Variants in DOHH observed in about 807,000 individuals in gnomAD.
DOHH encodes deoxyhypusine hydroxylase, also known as HEAT-like (PBS lyase) repeat containing 1.
Under a neutral mutation model 19.9 loss-of-function variants are expected in DOHH, and 16 were observed. The observed-to-expected ratio is 0.80, with a 90% CI of 0.54 to 1.22. The LOEUF is 1.22. Among genes scored for constraint, DOHH ranks in the 50% most tolerant of loss-of-function variants. The pLI, the probability that DOHH is intolerant of heterozygous loss-of-function variation, is 0.00. For missense variants in DOHH, 460 were observed against 460.6 expected (o/e 1.00, Z 0.01); for synonymous variants, 233 against 217.0 (o/e 1.07, Z -0.65).
chr19:3,490,967 C>T lies in DOHH; in HGVS notation c.*525G>A, dbSNP rs2082864688. On this transcript the variant is annotated 3_prime_UTR_variant, in exon 5 of 5. Coordinates refer to ENST00000427575, the MANE Select transcript of DOHH (RefSeq NM_001145165.2). ...TCGGGGTGGGGGAGTCAGAGGCCCC[C>T]AGACCCTGTGTCCCATTCCTAGTGA... 5.6e-6 allele frequency: 1 copy of T among 179,284 alleles called. No individual in the cohort carries two copies. Among genetic ancestry groups the T allele is most frequent in the Non-Finnish European group, 1.2e-5 (1 of 86,386 alleles). 11.1% of individuals were successfully genotyped at this position (179,284 alleles called of 1,614,324 possible).
chr19:3,494,575 C>G (rs2082894958), intron 2 of DOHH, among the ~76,000 whole-genome samples: 2 of 152,206 alleles, frequency 1.3e-5, no homozygotes, highest in African/African-American at 4.8e-5. Flanking sequence ...GAATTTGGGG[C>G]CACTGGGGCT....
Position 3,496,843 on chromosome 19 carries a change from C to A in DOHH, c.-29G>T, listed in dbSNP as rs566457146. Reference sequence around the variant, plus strand: ...GCTGTCAATGGGTCCCGGCCTTCCACAACCCTGCTCAGGCTAAACCTGGGG... The same window carrying A: ...GCTGTCAATGGGTCCCGGCCTTCCAAAACCCTGCTCAGGCTAAACCTGGGG... On this transcript the variant is annotated 5_prime_UTR_variant, in exon 2 of 5. Transcript: ENST00000427575. The surrounding 1 kb of genome is among the most constrained non-coding windows in gnomAD (Gnocchi z 4.8). The A allele has an allele frequency of 1.3e-6, 2 of 1,507,896 alleles. No individual in the cohort carries two copies. Among genetic ancestry groups the A allele is most frequent in the Non-Finnish European group, 1.8e-6 (2 of 1,130,042 alleles). The allele number at this position is 1,507,896 out of a possible 1,614,324, so 93.4% of individuals were successfully genotyped here. A position where few individuals can be genotyped will look rare whatever the true frequency, so the allele number is the denominator to read the frequency against.
At position 3,491,938 on chromosome 19, in the gene DOHH, G is replaced by A; in HGVS notation, c.590-127C>T. ...AAAGTCCTGGCGATCTTCCCATCCCGGCCTCCCAAAGTGCTGGGACGACAG... is the reference window on the plus strand; with the variant it reads ...AAAGTCCTGGCGATCTTCCCATCCCAGCCTCCCAAAGTGCTGGGACGACAG... On this transcript the variant is annotated intron_variant, in intron 4 of 4. Coordinates refer to ENST00000427575, the MANE Select transcript of DOHH (RefSeq NM_001145165.2). The surrounding 1 kb of genome is among the most constrained non-coding windows in gnomAD (Gnocchi z 5.6). The A allele has an allele frequency of 1.8e-6, 2 of 1,100,498 alleles. No individual in the cohort carries two copies. The highest frequency in any genetic ancestry group is 1.8e-5 in the South Asian group (1 of 55,604). The allele number at this position is 1,100,498 out of a possible 1,614,324, so 68.2% of individuals were successfully genotyped here. A position where few individuals can be genotyped will look rare whatever the true frequency, so the allele number is the denominator to read the frequency against.
intron 1 of DOHH, among the ~76,000 whole-genome samples, chr19:3,500,114 TC>T (rs1376530110): frequency 2.0e-5 from 3 of 147,336 alleles, no homozygotes; most frequent in Non-Finnish European, 4.5e-5. Flanking sequence ...TCTTTCCAGA[TC>T]GGCTGAGAAC....
rs1347212820 is a variant in DOHH at position 3,491,196 on chromosome 19, A to G, written c.*296T>C. ...CGATCCTCCCCTGGCTTCCCTCGCA[A>G]TCCTCCCCTGTCCTGAGCCGGGCAT... On this transcript the variant is annotated 3_prime_UTR_variant, in exon 5 of 5. Transcript: ENST00000427575. The surrounding 1 kb of genome is among the most constrained non-coding windows in gnomAD (Gnocchi z 5.6). 3 of 431,352 alleles carry G rather than the reference A, an allele frequency of 7.0e-6. No homozygotes were observed. The highest frequency in any genetic ancestry group is 2.4e-5 in the African/African-American group (1 of 42,456). The allele number at this position is 431,352 out of a possible 1,614,324, so 26.7% of individuals were successfully genotyped here.
At position 3,491,742 on chromosome 19, in the gene DOHH, G is replaced by A. The variant is rs1412501443; in HGVS notation, c.659C>T (p.Ala220Val). ...GGCGGCCGCCAGCTGGGGCACCGCC[G>A]CCTCGTGCTGCAGCTGTCCCAGGAC... ...GYVLGQLQHEAAVPQLAAALA... is the reference protein window; with the variant it reads ...GYVLGQLQHEVAVPQLAAALA... Residue 220 changes from alanine (A) to valine (V), a missense_variant, in exon 5 of 5, where the codon GCG (alanine) becomes GTG (valine). Transcript: ENST00000427575. This position sits in a 1 kb window ranked among gnomAD's most constrained non-coding sequence, Gnocchi z 5.6. 8 of 1,511,168 alleles carry A rather than the reference G, an allele frequency of 5.3e-6. No individual in the cohort carries two copies. The highest frequency in any genetic ancestry group is 1.4e-5 in the African/African-American group (1 of 69,410). The allele number at this position is 1,511,168 out of a possible 1,614,324, so 93.6% of individuals were successfully genotyped here.
rs1223978192 is a variant in DOHH at position 3,491,677 on chromosome 19, A to G, written c.724T>C (p.Cys242Arg). The change falls in exon 5 of 5, where the codon TGC (cysteine) becomes CGC (arginine). Residue 242 changes from cysteine to arginine, a missense_variant. Cys to Arg is a radical substitution (Grantham distance 180). Transcript: ENST00000427575. The surrounding 1 kb of genome is among the most constrained non-coding windows in gnomAD (Gnocchi z 5.6). ...CTENPMVRHE[C>R]AEALGAIARP... Reference sequence around the variant, plus strand: ...GCAATGGCGCCCAGGGCCTCCGCGCACTCGTGCCGCACCATGGGGTTCTCG... The same window carrying G: ...GCAATGGCGCCCAGGGCCTCCGCGCGCTCGTGCCGCACCATGGGGTTCTCG... The G allele has an allele frequency of 1.3e-6, 2 of 1,533,108 alleles. No homozygotes were observed. The highest frequency in any genetic ancestry group is 1.7e-6 in the Non-Finnish European group (2 of 1,143,418). The allele number at this position is 1,533,108 out of a possible 1,614,324, so 95.0% of individuals were successfully genotyped here.
Position 3,494,077 on chromosome 19 carries a change from G to A in DOHH, c.302C>T (p.Pro101Leu), listed in dbSNP as rs755167917. ...AGEALGAIGD[P>L]EVLEILKQYS... ...CTGCTTCAGGATCTCCAGAACTTCC[G>A]GGTCCCCGATGGCCCCCAGGGCCTC... Residue 101 changes from proline to leucine, a missense_variant, in exon 3 of 5, where the codon CCG becomes CTG. Pro to Leu is a moderately conservative substitution (Grantham distance 98). Transcript: ENST00000427575. 15 of 1,613,614 alleles carry A rather than the reference G, an allele frequency of 9.3e-6. No individual in the cohort carries two copies. The highest frequency in any genetic ancestry group is 1.3e-5 in the Non-Finnish European group (15 of 1,179,772).
At chr19:3,498,761 G>A (rs905851320) in intron 1 of DOHH, among the ~76,000 whole-genome samples, 1 of 152,116 alleles carries the variant, frequency 6.6e-6, no homozygotes, top group Admixed American at 6.6e-5. Flanking sequence ...TTTACTGGGT[G>A]TCTGAAGAAC....
At chr19:3,500,260 G>A (rs1244108213) in intron 1 of DOHH, among the ~76,000 whole-genome samples, 1 of 152,162 alleles carries the variant, frequency 6.6e-6, no homozygotes, top group Non-Finnish European at 1.5e-5. Context: ...ACCATCAAAG[G>A]AGAGTGACAC....
intron 1 of DOHH, among the ~76,000 whole-genome samples, chr19:3,498,533 G>A (rs113379718): frequency 1.3e-3 from 202 of 151,992 alleles, no homozygotes; most frequent in African/African-American, 4.6e-3. Flanking sequence ...AGCCTCCCGA[G>A]TATCTGGGAT....
At chr19:3,499,720 C>T (rs1050912892) in intron 1 of DOHH, among the ~76,000 whole-genome samples, 5 of 152,068 alleles carry the variant, frequency 3.3e-5, no homozygotes, top group African/African-American at 1.2e-4. Context: ...TGCAGTGAGC[C>T]GAGATCGTGC....
chr19:3,494,175 A>C, intron 2 of DOHH, 71 bp from the exon 3 acceptor site: 1 of 1,349,712 alleles, frequency 7.4e-7, no homozygotes, highest in Non-Finnish European at 1.0e-6. Context: ...TACCTCTGGG[A>C]CCGGAGGACA....
In DOHH at chr19:3,492,372, C is replaced by A; in HGVS notation, c.479G>T (p.Arg160Leu). 1 of 1,539,356 alleles carries A rather than the reference C, an allele frequency of 6.5e-7. No individual in the cohort carries two copies. Among genetic ancestry groups the A allele is most frequent in the Non-Finnish European group, 8.7e-7 (1 of 1,149,892 alleles). Reference protein sequence around the residue: ...APPAEERDVGRLREALLDESR... With the variant: ...APPAEERDVGLLREALLDESR... ...CTCATCCAGCAGCGCCTCCCGCAGG[C>A]GCCCCACGTCACGCTCCTCAGCCGG... The change falls in exon 4 of 5, where the codon CGC becomes CTC. Residue 160 changes from arginine (R) to leucine (L), a missense_variant. Transcript: ENST00000427575.
At position 3,500,617 on chromosome 19, in the gene DOHH, C is replaced by T. The variant is rs1223811790; in HGVS notation, c.-129G>A. 1 of 152,304 alleles carries T rather than the reference C, an allele frequency of 6.6e-6. No individual in the cohort carries two copies. Among genetic ancestry groups the T allele is most frequent in the Non-Finnish European group, 1.5e-5 (1 of 68,096 alleles). 9.4% of individuals were successfully genotyped at this position (152,304 alleles called of 1,614,324 possible). ...GGCCAGTAACCGCAGGCGCCTCTGC[C>T]ACCACCGCTTCACCTGCCGCGACGC... is the stretch of plus-strand genomic sequence containing the variant. On this transcript the variant is annotated 5_prime_UTR_variant, in exon 1 of 5. Transcript: ENST00000427575.
At position 3,492,300 on chromosome 19, in the gene DOHH, T is replaced by C; in HGVS notation, c.551A>G (p.Asn184Ser). 3 of 1,523,224 alleles carry C rather than the reference T, an allele frequency of 2.0e-6. No homozygotes were observed. The highest frequency in any genetic ancestry group is 2.6e-6 in the Non-Finnish European group (3 of 1,144,032). 94.4% of individuals were successfully genotyped at this position (1,523,224 alleles called of 1,614,324 possible). The change falls in exon 4 of 5, where the codon AAC becomes AGC. Residue 184 changes from asparagine (N) to serine (S), a missense_variant. Physicochemically the swap from Asn to Ser is conservative, Grantham distance 46 (BLOSUM62 1). Transcript: ENST00000427575. ...CAGGGCGGCCTCCTCGCCTCCCGCG[T>C]TGCGCAGGGCGAACATGGCGCGGTA... is the stretch of plus-strand genomic sequence containing the variant. ...ERYRAMFALR[N>S]AGGEEAALAL...
At chr19:3,498,129 C>T (rs1377368092) in intron 1 of DOHH, among the ~76,000 whole-genome samples, 1 of 152,124 alleles carries the variant, frequency 6.6e-6, no homozygotes, top group Admixed American at 6.5e-5. Flanking sequence ...CAGGCCTCCT[C>T]GCTGTTCCTC....
intron 1 of DOHH, among the ~76,000 whole-genome samples, chr19:3,497,622 G>A (rs1205486827): frequency 6.6e-6 from 1 of 152,126 alleles, no homozygotes; most frequent in African/African-American, 2.4e-5. Flanking sequence ...AGGTAACCAA[G>A]TATGTTTTTT....
chr19:3,494,169 T>A, intron 2 of DOHH, 65 bp from the exon 3 acceptor site: 1 of 1,462,848 alleles, frequency 6.8e-7, no homozygotes, highest in Non-Finnish European at 9.5e-7. Context: ...CCCGGCTACC[T>A]CTGGGACCGG....
Sources: gnomAD v4.1 joint callset for allele counts (sites outside exome capture counted in the v4.1 genomes callset) on GRCh38, gnomAD v4.1.1 for gene constraint, Gnocchi (gnomAD v3.1) non-coding constraint, MANE v1.5 for transcripts, NCBI Gene and HGNC (gene_info 2026-07-23, HGNC 2026-07-21) for gene names.